The following PRKN variants were observed in gnomAD, a reference collection of about 807,000 sequenced individuals.
The protein encoded by PRKN is parkin RBR E3 ubiquitin protein ligase, also known as E3 ubiquitin-protein ligase parkin.
PRKN carries 56 observed loss-of-function variants against 59.5 expected under a neutral mutation model. The observed-to-expected ratio is 0.94, with a 90% CI of 0.76 to 1.18. The LOEUF (loss-of-function observed/expected upper bound fraction) is 1.18, where lower values mean the gene tolerates loss of function less well. Ranked by LOEUF, PRKN falls within the 50% of genes most tolerant of loss-of-function variation. The pLI, the probability that PRKN is intolerant of heterozygous loss-of-function variation, is 0.00. For synonymous variants in PRKN, 250 were observed against 222.1 expected (o/e 1.13, Z -1.12); for missense variants, 657 against 596.4 (o/e 1.10, Z -1.06).
intron 6 of PRKN, among the ~76,000 whole-genome samples, chr6:161,880,562 G>C (rs899815036): frequency 6.6e-6 from 1 of 152,148 alleles, no homozygotes; most frequent in Non-Finnish European, 1.5e-5. Flanking sequence ...AAGACAGTGC[G>C]GTCACAGCCA....
intron 7 of PRKN, among the ~76,000 whole-genome samples, chr6:161,700,456 G>C (rs1045874671): frequency 6.6e-6 from 1 of 152,074 alleles, no homozygotes; most frequent in Non-Finnish European, 1.5e-5. Context: ...ACATTGCCCT[G>C]TTTACTTACC....
In PRKN at chr6:161,737,119, G is replaced by C. The variant is rs143854305; in HGVS notation, c.871+48653C>G. 3.7e-4 allele frequency among the ~76,000 whole-genome samples: 57 copies of C among 152,302 alleles called. 2 individuals carry two copies. The highest frequency in any genetic ancestry group is 2.1e-4 in the South Asian group (1 of 4,826). ...AATGGGATGTGTCAATTCTGCAAGA[G>C]CATACTGGAAATGGGAGACAAAGGC... On this transcript the variant is annotated intron_variant, in intron 7 of 11. Coordinates refer to ENST00000366898, the MANE Select transcript of PRKN (RefSeq NM_004562.3).
At chr6:161,762,738 A>G (rs999893823) in intron 7 of PRKN, among the ~76,000 whole-genome samples, 5 of 152,220 alleles carry the variant, frequency 3.3e-5, no homozygotes, top group African/African-American at 1.2e-4. Context: ...TCTACACATA[A>G]TAAGTTTTAT....
At chr6:162,177,314 C>A (rs1481220009) in intron 4 of PRKN, among the ~76,000 whole-genome samples, 2 of 152,086 alleles carry the variant, frequency 1.3e-5, no homozygotes, top group Non-Finnish European at 2.9e-5. Flanking sequence ...AAAGAAAAAA[C>A]TTATTTCTAT....
At chr6:162,233,918 A>T (rs1210436056) in intron 3 of PRKN, among the ~76,000 whole-genome samples, 1 of 152,238 alleles carries the variant, frequency 6.6e-6, no homozygotes, top group Non-Finnish European at 1.5e-5. Context: ...TGGACTTTCC[A>T]GCTTCTAGAA....
intron 8 of PRKN, among the ~76,000 whole-genome samples, chr6:161,568,572 G>A (rs1282074616): frequency 3.4e-5 from 5 of 146,266 alleles, no homozygotes; most frequent in Non-Finnish European, 6.0e-5. Flanking sequence ...CAGCCTGGGC[G>A]ACAGAGCAAG....
At chr6:161,985,823 G>C (rs1583442340) in intron 5 of PRKN, among the ~76,000 whole-genome samples, 1 of 152,122 alleles carries the variant, frequency 6.6e-6, no homozygotes, top group South Asian at 2.1e-4. Flanking sequence ...CCTTTGAGGA[G>C]GGGCTGGACT....
chr6:162,466,984 C>T (rs565409581), intron 1 of PRKN, among the ~76,000 whole-genome samples: 15 of 152,052 alleles, frequency 9.9e-5, no homozygotes, highest in South Asian at 4.2e-4. Context: ...AAAAATAGGT[C>T]GAAAAAATTA....
chr6:162,587,042 T>C (rs1262741847), intron 1 of PRKN, among the ~76,000 whole-genome samples: 2 of 152,194 alleles, frequency 1.3e-5, no homozygotes, highest in African/African-American at 2.4e-5. Context: ...CTGTGACTTA[T>C]TCACCTCGCT....
chr6:162,194,369 A>G (rs1784411638), intron 4 of PRKN, among the ~76,000 whole-genome samples: 1 of 152,194 alleles, frequency 6.6e-6, no homozygotes, highest in African/African-American at 2.4e-5. Context: ...GGTAAAAATC[A>G]GCAAAATAGT....
At chr6:161,920,966 A>C (rs1264663325) in intron 6 of PRKN, among the ~76,000 whole-genome samples, 2 of 152,080 alleles carry the variant, frequency 1.3e-5, no homozygotes, top group Non-Finnish European at 2.9e-5. Flanking sequence ...TGTATACAAC[A>C]AAGTTCCTCA....
intron 2 of PRKN, among the ~76,000 whole-genome samples, chr6:162,291,933 C>G (rs1301492662): frequency 1.3e-5 from 2 of 150,202 alleles, no homozygotes; most frequent in African/African-American, 4.9e-5. Context: ...TTCATAGTAT[C>G]TTCCTAGTTA....
At chr6:162,075,214 A>T (rs1312292705) in intron 4 of PRKN, among the ~76,000 whole-genome samples, 1 of 152,212 alleles carries the variant, frequency 6.6e-6, no homozygotes, top group Admixed American at 6.5e-5. Context: ...CTATTTGAAT[A>T]ATATTTATCA....
chr6:162,077,366 C>T (rs1254665609), intron 4 of PRKN, among the ~76,000 whole-genome samples: 1 of 152,104 alleles, frequency 6.6e-6, no homozygotes, highest in Non-Finnish European at 1.5e-5. Context: ...CTATGATGTT[C>T]GCACAATGAC....
At chr6:162,021,119 C>CATAT (rs869269519) in intron 5 of PRKN, among the ~76,000 whole-genome samples, 603 of 45,854 alleles carry the variant, frequency 0.013, 2 homozygotes, top group East Asian at 0.023. Flanking sequence ...AAAACAAAAA[C>CATAT]ATATATATAT....
At chr6:162,526,972 A>G (rs1778314545) in intron 1 of PRKN, among the ~76,000 whole-genome samples, 1 of 152,338 alleles carries the variant, frequency 6.6e-6, no homozygotes, top group African/African-American at 2.4e-5. Flanking sequence ...CACCAGGGGA[A>G]AATAACCTGT....
intron 7 of PRKN, among the ~76,000 whole-genome samples, chr6:161,597,836 G>GCACACA (rs35750936): frequency 5.4e-4 from 81 of 150,116 alleles, no homozygotes; most frequent in African/African-American, 1.1e-3. Flanking sequence ...TCCAGCGTGC[G>GCACACA]CACACACACA....
chr6:162,675,493 C>T (rs748871595), intron 1 of PRKN, among the ~76,000 whole-genome samples: 1 of 151,950 alleles, frequency 6.6e-6, no homozygotes, highest in Non-Finnish European at 1.5e-5. Flanking sequence ...ATTTACAACA[C>T]CAGGGAAAAT....
chr6:161,672,137 G>C (rs984507817), intron 7 of PRKN, among the ~76,000 whole-genome samples: 1 of 152,132 alleles, frequency 6.6e-6, no homozygotes, highest in Non-Finnish European at 1.5e-5. Context: ...GGTTATATGA[G>C]TAACAATGGA....
Sources: gnomAD v4.1 joint callset for allele counts (sites outside exome capture counted in the v4.1 genomes callset) on GRCh38, gnomAD v4.1.1 for gene constraint, MANE v1.5 for transcripts, NCBI Gene and HGNC (gene_info 2026-07-23, HGNC 2026-07-21) for gene names.